Variants in SPRYD3 observed in about 807,000 individuals in gnomAD.
SPRYD3 encodes SPRY domain containing 3.
In SPRYD3, 17 loss-of-function variants were observed where a neutral mutation model predicts 50.1. The ratio of observed to expected loss-of-function variants is 0.34; its 90% confidence interval spans 0.23 to 0.51. The LOEUF (loss-of-function observed/expected upper bound fraction) is 0.51, where lower values mean the gene tolerates loss of function less well. Among genes scored for constraint, SPRYD3 ranks in the 20% least tolerant of loss-of-function variants. SPRYD3 has a pLI of 0.97. For missense variants in SPRYD3, 401 were observed against 591.2 expected (o/e 0.68, Z 3.34); for synonymous variants, 198 against 215.5 (o/e 0.92, Z 0.71).
Position 53,073,412 on chromosome 12 carries a change from G to C in SPRYD3, c.567C>G (p.His189Gln). 1.3e-6 allele frequency: 2 copies of C among 1,577,720 alleles called. No homozygotes were observed. Among genetic ancestry groups the C allele is most frequent in the East Asian group, 4.6e-5 (2 of 43,548 alleles). ...GCAGCCGCACCTCCTCACCCAGGGA[G>C]TGCATGCCCACTGCTGGGAACAGTC... ...PDGLFPAVGM[H>Q]SLGEEVRLHL... The change falls in exon 6 of 11, where the codon CAC becomes CAG. Residue 189 changes from histidine to glutamine, a missense_variant. Coordinates refer to ENST00000301463, the MANE Select transcript of SPRYD3 (RefSeq NM_032840.3).
chr12:53,075,790 T>C lies in SPRYD3; in HGVS notation c.192A>G (p.Glu64=). The C allele has an allele frequency of 1.2e-6, 2 of 1,614,002 alleles. No individual in the cohort carries two copies. The highest frequency in any genetic ancestry group is 1.7e-6 in the Non-Finnish European group (2 of 1,179,950). ...DTLSYHGNSG[E]VGCYVASRPL... Reference sequence around the variant, plus strand: ...GTCGAGAAGCCACGTAGCAGCCAACTTCACCAGAGTTTCCATGATAACTGA... The same window carrying C: ...GTCGAGAAGCCACGTAGCAGCCAACCTCACCAGAGTTTCCATGATAACTGA... The change falls in exon 3 of 11, where the codon GAA becomes GAG. Residue 64 remains glutamate (E), a synonymous_variant. Coordinates refer to ENST00000301463, the MANE Select transcript of SPRYD3 (RefSeq NM_032840.3).
chr12:53,079,134 C>G (rs1026043841), intron 1 of SPRYD3, among the ~76,000 whole-genome samples, 177 bp downstream of exon 1: 1 of 152,218 alleles, frequency 6.6e-6, no homozygotes, highest in South Asian at 2.1e-4. Flanking sequence ...CGTGTGCCTA[C>G]GCCCAGTCTC....
rs1418405005 is a variant in SPRYD3 at position 53,077,987 on chromosome 12, C to T, written c.24-726G>A. 1.4e-5 allele frequency: 5 copies of T among 345,832 alleles called. No individual in the cohort carries two copies. In the East Asian group the frequency reaches 4.5e-4, roughly 31 times the overall value. 21.4% of individuals were successfully genotyped at this position (345,832 alleles called of 1,614,324 possible). On this transcript the variant is annotated intron_variant, in intron 1 of 10. Transcript: ENST00000301463. The stretch of plus-strand genomic sequence containing the variant: ...GGATCGCTTGAGGCCAGGACCCAGA[C>T]CAGCCTGGGCAACGTAGTGAGACCT...
At position 53,075,080 on chromosome 12, in the gene SPRYD3, C is replaced by T. The variant is rs369342290; in HGVS notation, c.371+15G>A. On this transcript the variant is annotated intron_variant, in intron 4 of 10. Transcript: ENST00000301463. ...TTCATAGGAAAAGGGCCGGGTTGCA[C>T]AGGAGCCAACTCACTTGCCATCATC... The T allele has an allele frequency of 1.9e-6, 3 of 1,608,568 alleles. No homozygotes were observed. Among genetic ancestry groups the T allele is most frequent in the African/African-American group, 2.7e-5 (2 of 74,826 alleles).
At position 53,074,623 on chromosome 12, in the gene SPRYD3, A is replaced by T. The variant is rs1219617433; in HGVS notation, c.507+26T>A. 2 of 1,614,058 alleles carry T rather than the reference A, an allele frequency of 1.2e-6. No individual in the cohort carries two copies. Among genetic ancestry groups the T allele is most frequent in the East Asian group, 4.5e-5 (2 of 44,904 alleles). ...ATCCTTGGGCAGATTTCAGCCACGT[A>T]AATCCCACCACTATTTCCCACTCAC... On this transcript the variant is annotated intron_variant, in intron 5 of 10. Coordinates refer to ENST00000301463, the MANE Select transcript of SPRYD3 (RefSeq NM_032840.3). This position sits in a 1 kb window ranked among gnomAD's most constrained non-coding sequence, Gnocchi z 4.6.
chr12:53,077,075 GA>G, intron 2 of SPRYD3, 39 bp downstream of exon 2: 1 of 1,600,886 alleles, frequency 6.2e-7, no homozygotes. Flanking sequence ...CTAAGATCTG[GA>G]ACAGAGAAGA....
chr12:53,071,963 G>A (rs1352324553), intron 6 of SPRYD3, among the ~76,000 whole-genome samples: 1 of 152,152 alleles, frequency 6.6e-6, no homozygotes, highest in Non-Finnish European at 1.5e-5. Flanking sequence ...GGAGGGTGGG[G>A]AGGAAGGAAG....
intron 1 of SPRYD3, among the ~76,000 whole-genome samples, chr12:53,079,052 G>T (rs1418265657): frequency 6.6e-6 from 1 of 152,164 alleles, no homozygotes; most frequent in Admixed American, 6.5e-5. Context: ...GGCCCTACTG[G>T]GCCCTGTCTC....
At chr12:53,068,070 T>C (rs1205372073) in intron 7 of SPRYD3, 85 bp downstream of exon 7, 1 of 1,522,220 alleles carries the variant, frequency 6.6e-7, no homozygotes, top group African/African-American at 1.4e-5. Flanking sequence ...CTCCCCTGGT[T>C]TCTCCTAAGA....
chr12:53,067,148 G>T (rs1387707128), intron 8 of SPRYD3, among the ~76,000 whole-genome samples: 1 of 151,672 alleles, frequency 6.6e-6, no homozygotes, highest in African/African-American at 2.4e-5. Context: ...GAGATATATG[G>T]GAAGGGGGCA....
chr12:53,075,172 C>A lies in SPRYD3; in HGVS notation c.294G>T (p.Leu98=). The stretch of plus-strand genomic sequence containing the variant: ...GATCCAAGCTGTAGTACTGAGGGAC[C>A]AGCCCCACAGCAATGGTGCCCCGGA... ...SGVRGTIAVG[L]VPQYYSLDHQ... The change falls in exon 4 of 11, where the codon CTG becomes CTT. Residue 98 remains leucine, a synonymous_variant. Coordinates refer to ENST00000301463, the MANE Select transcript of SPRYD3 (RefSeq NM_032840.3). 1 of 1,613,566 alleles carries A rather than the reference C, an allele frequency of 6.2e-7. No homozygotes were observed. The highest frequency in any genetic ancestry group is 8.5e-7 in the Non-Finnish European group (1 of 1,179,566).
In SPRYD3 at chr12:53,066,446, C is replaced by T. The variant is rs3741433; in HGVS notation, c.1062G>A (p.Pro354=). 2.2e-4 allele frequency: 358 copies of T among 1,614,108 alleles called. No individual in the cohort carries two copies. The highest frequency in any genetic ancestry group is 1.2e-3 in the East Asian group (53 of 44,864). The change falls in exon 10 of 11, where the codon CCG becomes CCA. Residue 354 remains proline (P), a synonymous_variant. Transcript: ENST00000301463. ...GCACGTTCCGGACGGCCCGGGCAGTCGGAGACAGGATCACTGTGTCACAAC... is the reference window on the plus strand; with the variant it reads ...GCACGTTCCGGACGGCCCGGGCAGTTGGAGACAGGATCACTGTGTCACAAC... ...DDSCDTVILS[P]TARAVRNVRN... is the part of the protein sequence containing the mutation.
At chr12:53,068,625 A>G (rs1004923908) in intron 6 of SPRYD3, among the ~76,000 whole-genome samples, 17 of 152,168 alleles carry the variant, frequency 1.1e-4, no homozygotes, top group Non-Finnish European at 5.9e-5. Context: ...TCGCCCGCTG[A>G]AAAACCCTGC....
chr12:53,073,644 A>G, intron 5 of SPRYD3, among the ~76,000 whole-genome samples, 173 bp from the exon 6 acceptor site: 1 of 151,918 alleles, frequency 6.6e-6, no homozygotes, highest in East Asian at 1.9e-4. Context: ...GGAGATTGAA[A>G]CCATCCTGGC....
intron 1 of SPRYD3, among the ~76,000 whole-genome samples, chr12:53,078,492 A>G (rs989512244): frequency 1.3e-5 from 2 of 152,038 alleles, no homozygotes; most frequent in African/African-American, 4.8e-5. Flanking sequence ...CTCAAAAAAA[A>G]AAAAAAAAGC....
Position 53,073,355 on chromosome 12 carries a change from G to A in SPRYD3, c.624C>T (p.Asp208=), listed in dbSNP as rs746626080. 9 of 1,572,338 alleles carry A rather than the reference G, an allele frequency of 5.7e-6. No homozygotes were observed. The highest frequency in any genetic ancestry group is 7.8e-6 in the Non-Finnish European group (9 of 1,156,852). ...CGTAACTGTCCACCATCATGACGCT[G>A]TCGTCCTCACGGCCCAGCTCAGCGT... The part of the protein sequence containing the change: ...HLNAELGRED[D]SVMMVDSYED... The change falls in exon 6 of 11, where the codon GAC becomes GAT. Residue 208 remains aspartate, a synonymous_variant. Coordinates refer to ENST00000301463, the MANE Select transcript of SPRYD3 (RefSeq NM_032840.3).
chr12:53,071,132 G>T (rs909095044), intron 6 of SPRYD3, among the ~76,000 whole-genome samples: 5 of 152,158 alleles, frequency 3.3e-5, no homozygotes, highest in African/African-American at 1.2e-4. Context: ...GAAGGGCTCA[G>T]TGCCCTGAGG....
At chr12:53,076,653 G>A (rs1019047400) in intron 2 of SPRYD3, among the ~76,000 whole-genome samples, 8 of 152,354 alleles carry the variant, frequency 5.3e-5, no homozygotes, top group Non-Finnish European at 1.0e-4. Context: ...GCCACCCAGT[G>A]ACAGAGGCAG....
At chr12:53,072,071 T>G (rs1220941858) in intron 6 of SPRYD3, among the ~76,000 whole-genome samples, 1 of 152,070 alleles carries the variant, frequency 6.6e-6, no homozygotes, top group African/African-American at 2.4e-5. Flanking sequence ...AGAGAAAGGA[T>G]GCCAGGAAAA....
Sources: allele counts gnomAD v4.1 joint callset (sites outside exome capture counted in the v4.1 genomes callset), GRCh38; gene constraint gnomAD v4.1.1; non-coding constraint Gnocchi (gnomAD v3.1); transcripts MANE v1.5; gene names NCBI Gene and HGNC (gene_info 2026-07-23, HGNC 2026-07-21).